The following RANBP2 variants were observed in gnomAD, a reference collection of about 807,000 sequenced individuals.
RANBP2 encodes the protein E3 SUMO-protein ligase RanBP2.
A neutral mutation model predicts 303.6 loss-of-function variants in RANBP2; 57 were observed. That is an observed-to-expected ratio of 0.19 (90% CI 0.15 to 0.23). The LOEUF (loss-of-function observed/expected upper bound fraction) is 0.23, where lower values mean the gene tolerates loss of function less well. Among genes scored for constraint, RANBP2 ranks in the 10% least tolerant of loss-of-function variants. The probability of loss-of-function intolerance (pLI) is 1.00; values close to 1 mark genes in which losing one functional copy is unlikely to be tolerated. For synonymous variants in RANBP2, 1,167 were observed against 1,301.5 expected (o/e 0.90, Z 2.23); for missense variants, 3,138 against 3,780.8 (o/e 0.83, Z 4.46).
At chr2:108,856,449 A>C in the RANBP2 span, among the ~76,000 whole-genome samples, 1 of 152,228 alleles carries the variant, frequency 6.6e-6, no homozygotes, top group Admixed American at 6.5e-5. Context: ...TAGAAATACT[A>C]AGTTTTTGGA....
the RANBP2 span, among the ~76,000 whole-genome samples, chr2:109,005,432 C>G: frequency 1.3e-5 from 2 of 152,186 alleles, no homozygotes; most frequent in Non-Finnish European, 2.9e-5. Flanking sequence ...CCCTCCAAGT[C>G]TCAGGGTCAT....
chr2:109,259,587 G>A, the RANBP2 span, among the ~76,000 whole-genome samples: 1 of 152,244 alleles, frequency 6.6e-6, no homozygotes, highest in Non-Finnish European at 1.5e-5. Context: ...ATGCCCTGGA[G>A]TTACCATGTT....
chr2:109,282,239 A>C, the RANBP2 span, among the ~76,000 whole-genome samples: 14 of 152,124 alleles, frequency 9.2e-5, no homozygotes, highest in African/African-American at 3.4e-4. Flanking sequence ...TTTACACATT[A>C]ATGTAGGGAG....
At position 108,721,451 on chromosome 2, in the gene RANBP2, T is replaced by A. The variant is rs181868266; in HGVS notation, c.72+1773T>A. 3.0e-3 allele frequency among the ~76,000 whole-genome samples: 456 copies of A among 152,308 alleles called. 1 individual carries two copies. The highest frequency in any genetic ancestry group is 0.011 in the African/African-American group (450 of 41,568). On this transcript the variant is annotated intron_variant, in intron 1 of 28. Transcript: ENST00000283195. The stretch of plus-strand genomic sequence containing the variant: ...AAAGACTTTAATTTTTGTGTTATTT[T>A]ATTTTTTTTGAGGTGGGGTCTCACT...
the RANBP2 span, among the ~76,000 whole-genome samples, chr2:109,457,814 G>A: frequency 5.9e-5 from 9 of 152,094 alleles, no homozygotes; most frequent in East Asian, 3.9e-4. Context: ...AAAAACAAGC[G>A]CACACCCCAT....
chr2:109,062,935 C>T, the RANBP2 span, among the ~76,000 whole-genome samples: 1,159 of 152,234 alleles, frequency 7.6e-3, 21 homozygotes, highest in African/African-American at 0.026. Context: ...GAGCTGGTGC[C>T]AACTGCAGGC....
the RANBP2 span, among the ~76,000 whole-genome samples, chr2:108,932,000 A>G: frequency 6.6e-6 from 1 of 152,116 alleles, no homozygotes; most frequent in Non-Finnish European, 1.5e-5. Context: ...TGGGCCATGG[A>G]ACCCAAACTC....
At chr2:109,207,307 TTTG>T in the RANBP2 span, among the ~76,000 whole-genome samples, 1 of 152,304 alleles carries the variant, frequency 6.6e-6, no homozygotes, top group South Asian at 2.1e-4. Context: ...GATTAAAGAA[TTTG>T]TCTCTAATTT....
At chr2:108,860,823 G>A in the RANBP2 span, among the ~76,000 whole-genome samples, 811 of 151,410 alleles carry the variant, frequency 5.4e-3, 10 homozygotes, top group African/African-American at 0.016. Context: ...TTTGGAATGA[G>A]TTAGGGAGGA....
At chr2:109,686,309 G>C in the RANBP2 span, among the ~76,000 whole-genome samples, 15 of 151,990 alleles carry the variant, frequency 9.9e-5, no homozygotes, top group Non-Finnish European at 2.1e-4. Context: ...TAAGTCAATT[G>C]GTTTTAGTAC....
intron 1 of RANBP2, among the ~76,000 whole-genome samples, chr2:108,720,714 C>T (rs1410103832): frequency 1.3e-5 from 2 of 152,210 alleles, no homozygotes; most frequent in African/African-American, 2.4e-5. Context: ...ACACATAGCA[C>T]TAAATGTTAG....
chr2:109,677,412 T>C, the RANBP2 span, among the ~76,000 whole-genome samples: 12 of 152,202 alleles, frequency 7.9e-5, no homozygotes, highest in African/African-American at 2.9e-4. Context: ...TCTTTGTCCC[T>C]ATCCGTGACT....
In RANBP2 at chr2:108,768,101, T is replaced by C; in HGVS notation, c.7562T>C (p.Val2521Ala). ...AAGTTTGTATTTGGTTCAGAGTCTG[T>C]TAAAAGCATTTTTAGTAGTGAAAAA... ...PPKFVFGSESVKSIFSSEKSK... is the reference protein window; with the variant it reads ...PPKFVFGSESAKSIFSSEKSK... The change falls in exon 20 of 29, where the codon GTT becomes GCT. Residue 2521 changes from valine (V) to alanine (A), a missense_variant. Physicochemically the swap from Val to Ala is moderately conservative, Grantham distance 64. This residue lies in a region of RANBP2 where 497 missense variants were observed against 465.8 expected (regional missense o/e 1.07). Coordinates refer to ENST00000283195, the MANE Select transcript of RANBP2 (RefSeq NM_006267.5). The C allele has an allele frequency of 6.2e-7, 1 of 1,612,042 alleles. No homozygotes were observed. The highest frequency in any genetic ancestry group is 8.5e-7 in the Non-Finnish European group (1 of 1,179,856).
chr2:109,323,950 T>A, the RANBP2 span, among the ~76,000 whole-genome samples: 1 of 152,220 alleles, frequency 6.6e-6, no homozygotes, highest in Non-Finnish European at 1.5e-5. Context: ...ATGCCATACC[T>A]ATCAGTAGTC....
At chr2:109,649,062 C>T in the RANBP2 span, among the ~76,000 whole-genome samples, 9 of 152,056 alleles carry the variant, frequency 5.9e-5, no homozygotes, top group Non-Finnish European at 1.2e-4. Context: ...GCCTGGTGCT[C>T]GGTAACTACT....
chr2:109,587,034 G>C, the RANBP2 span, among the ~76,000 whole-genome samples: 1 of 152,120 alleles, frequency 6.6e-6, no homozygotes, highest in African/African-American at 2.4e-5. Flanking sequence ...AGTCAAGAAA[G>C]AAAGTCAACA....
the RANBP2 span, among the ~76,000 whole-genome samples, chr2:109,424,582 C>T: frequency 3.3e-5 from 5 of 152,158 alleles, no homozygotes; most frequent in Non-Finnish European, 5.9e-5. Flanking sequence ...TGTCACATTT[C>T]GGTAATTCTT....
chr2:109,242,457 G>A, the RANBP2 span, among the ~76,000 whole-genome samples: 1 of 152,142 alleles, frequency 6.6e-6, no homozygotes, highest in Non-Finnish European at 1.5e-5. Flanking sequence ...TCAGAATGGG[G>A]CCAGGCCTTC....
At chr2:109,235,396 T>G in the RANBP2 span, among the ~76,000 whole-genome samples, 2 of 152,128 alleles carry the variant, frequency 1.3e-5, no homozygotes, top group Non-Finnish European at 2.9e-5. Flanking sequence ...TTCAAAGCCT[T>G]TGTGTGTGTT....
Sources: gnomAD v4.1 joint callset for allele counts (sites outside exome capture counted in the v4.1 genomes callset) on GRCh38, gnomAD v4.1.1 for gene constraint, gnomAD v4.1.1 regional missense constraint, MANE v1.5 for transcripts, NCBI Gene and HGNC (gene_info 2026-07-23, HGNC 2026-07-21) for gene names.